Variants in MSRA observed in about 807,000 individuals in gnomAD.
The protein encoded by MSRA is mitochondrial peptide methionine sulfoxide reductase.
In MSRA, 54 loss-of-function variants were observed where a neutral mutation model predicts 31.3. The observed-to-expected ratio is 1.73, with a 90% CI of 1.39 to 2.17. The LOEUF is 2.17. Ranked by LOEUF, MSRA falls within the 30% of genes most tolerant of loss-of-function variation. MSRA has a pLI of 0.00. For synonymous variants in MSRA, 169 were observed against 116.5 expected, an observed-to-expected ratio of 1.45 and a Z score of -2.90; for missense variants, 507 against 300.9, an observed-to-expected ratio of 1.69 and a Z score of -5.07.
At chr8:10,082,520 G>A (rs1239038811) in intron 1 of MSRA, among the ~76,000 whole-genome samples, 2 of 152,210 alleles carry the variant, frequency 1.3e-5, no homozygotes, top group Middle Eastern at 3.4e-3. Context: ...TCTTTTTGGC[G>A]TGGGTTCTGG....
At position 10,231,262 on chromosome 8, in the gene MSRA, T is replaced by C. The variant is rs144498521; in HGVS notation, c.212-13842T>C. Among the ~76,000 whole-genome samples the C allele has an allele frequency of 1.8e-3, 275 of 152,122 alleles. 2 individuals carry two copies. The highest frequency in any genetic ancestry group is 6.3e-3 in the African/African-American group (263 of 41,510). ...GAGGAGGCTGCTGTCACCGTCTAGCTGGGAAAAGAAAGTACATAAAATTTG... is the reference window on the plus strand; with the variant it reads ...GAGGAGGCTGCTGTCACCGTCTAGCCGGGAAAAGAAAGTACATAAAATTTG... On this transcript the variant is annotated intron_variant, in intron 2 of 5. Coordinates refer to ENST00000317173, the MANE Select transcript of MSRA (RefSeq NM_012331.5).
intron 3 of MSRA, among the ~76,000 whole-genome samples, chr8:10,293,077 C>G (rs566295086): frequency 8.3e-4 from 127 of 152,154 alleles, no homozygotes; most frequent in Non-Finnish European, 7.2e-4. Context: ...TGGCTTTCCT[C>G]TCAGTAAAAT....
intron 1 of MSRA, among the ~76,000 whole-genome samples, chr8:10,070,925 G>T (rs955464933): frequency 1.8e-4 from 27 of 152,190 alleles, no homozygotes; most frequent in African/African-American, 6.5e-4. Context: ...ATTGTTTCCA[G>T]TCTTTGGCTG....
intron 1 of MSRA, among the ~76,000 whole-genome samples, chr8:10,147,199 A>T (rs1239679703): frequency 6.6e-6 from 1 of 152,120 alleles, no homozygotes; most frequent in East Asian, 1.9e-4. Flanking sequence ...GCCAGAGTAG[A>T]TGAGAAGGAG....
chr8:10,298,253 A>C (rs953653094), intron 3 of MSRA, among the ~76,000 whole-genome samples: 5 of 152,226 alleles, frequency 3.3e-5, no homozygotes, highest in Non-Finnish European at 7.3e-5. Context: ...TGAATGGATA[A>C]ACAAACAAAA....
intron 2 of MSRA, among the ~76,000 whole-genome samples, chr8:10,242,945 A>G (rs1339692361): frequency 6.6e-6 from 1 of 152,298 alleles, no homozygotes; most frequent in East Asian, 1.9e-4. Flanking sequence ...GCCCACCTGC[A>G]TCCTGGTCAT....
At chr8:10,153,068 T>G (rs1803847984) in intron 1 of MSRA, among the ~76,000 whole-genome samples, 1 of 152,184 alleles carries the variant, frequency 6.6e-6, no homozygotes, top group Non-Finnish European at 1.5e-5. Flanking sequence ...GGTGAAAAAT[T>G]GCTGGAGATT....
At position 10,054,544 on chromosome 8, in the gene MSRA, C is replaced by A. The variant is rs762490596; in HGVS notation, c.28C>A (p.Gln10Lys). 6.3e-7 allele frequency: 1 copy of A among 1,586,812 alleles called. No homozygotes were observed. Among genetic ancestry groups the A allele is most frequent in the South Asian group, 1.1e-5 (1 of 88,770 alleles). Residue 10 changes from glutamine (Q) to lysine (K), a missense_variant, in exon 1 of 6, where the codon CAG becomes AAG. Physicochemically the swap from Gln to Lys is moderately conservative, Grantham distance 53. Coordinates refer to ENST00000317173, the MANE Select transcript of MSRA (RefSeq NM_012331.5). MLSATRRAC[Q>K]LLLLHSLFPV... ...GCTCTCGGCCACCCGGAGGGCTTGC[C>A]AGCTCCTCCTCCTCCACAGCCTCTT... is the stretch of plus-strand genomic sequence containing the variant.
At chr8:10,095,907 A>C in intron 1 of MSRA, 1 of 1,315,942 alleles carries the variant, frequency 7.6e-7, no homozygotes, top group Non-Finnish European at 9.8e-7. Context: ...CATGAGAGAC[A>C]GGATTAATAT....
At chr8:10,359,033 G>A (rs868404409) in intron 5 of MSRA, among the ~76,000 whole-genome samples, 2 of 152,126 alleles carry the variant, frequency 1.3e-5, no homozygotes, top group African/African-American at 4.8e-5. Context: ...CCCCCATCCC[G>A]ATCCCCACCC....
intron 1 of MSRA, among the ~76,000 whole-genome samples, chr8:10,067,460 G>A (rs1263739813): frequency 1.3e-5 from 2 of 152,136 alleles, no homozygotes; most frequent in African/African-American, 2.4e-5. Flanking sequence ...ATCTATAATT[G>A]TTTTGGCAGT....
At chr8:10,211,237 A>C (rs928444725) in intron 2 of MSRA, among the ~76,000 whole-genome samples, 5 of 152,180 alleles carry the variant, frequency 3.3e-5, no homozygotes, top group Non-Finnish European at 7.3e-5. Context: ...ATGAATGGTC[A>C]TATCAAGGGA....
chr8:10,414,314 C>T (rs548392948), intron 5 of MSRA, among the ~76,000 whole-genome samples: 12 of 152,332 alleles, frequency 7.9e-5, no homozygotes, highest in African/African-American at 2.6e-4. Flanking sequence ...ATCCTGCTGA[C>T]TTAACTTCCT....
At chr8:10,373,928 T>G (rs538521494) in intron 5 of MSRA, among the ~76,000 whole-genome samples, 3 of 152,172 alleles carry the variant, frequency 2.0e-5, no homozygotes, top group Non-Finnish European at 4.4e-5. Flanking sequence ...ATCATGGCCA[T>G]GGGCTTTCGG....
At chr8:10,419,095 G>C (rs1808657638) in intron 5 of MSRA, among the ~76,000 whole-genome samples, 1 of 152,144 alleles carries the variant, frequency 6.6e-6, no homozygotes, top group African/African-American at 2.4e-5. Context: ...TGTGCCCACA[G>C]GTTCATAGGC....
At chr8:10,188,089 G>A in intron 1 of MSRA, among the ~76,000 whole-genome samples, 1 of 152,224 alleles carries the variant, frequency 6.6e-6, no homozygotes, top group Admixed American at 6.5e-5. Flanking sequence ...GTTGAAGACT[G>A]AAGAGAAGCT....
At chr8:10,169,894 A>G (rs368578506) in intron 1 of MSRA, among the ~76,000 whole-genome samples, 4 of 143,884 alleles carry the variant, frequency 2.8e-5, no homozygotes, top group South Asian at 2.2e-4. Flanking sequence ...TTTTTTGCCC[A>G]TTCCTTGGTA....
chr8:10,091,383 G>A (rs1404612546), intron 1 of MSRA, among the ~76,000 whole-genome samples: 1 of 152,092 alleles, frequency 6.6e-6, no homozygotes, highest in East Asian at 1.9e-4. Flanking sequence ...ATTATTTTTT[G>A]TGATGTCACA....
intron 1 of MSRA, among the ~76,000 whole-genome samples, chr8:10,175,830 C>G (rs555432154): frequency 5.3e-5 from 8 of 152,328 alleles, no homozygotes; most frequent in African/African-American, 1.9e-4. Context: ...GTAGCCACAA[C>G]TCTATTCGCC....
Sources: gnomAD v4.1 joint callset for allele counts (sites outside exome capture counted in the v4.1 genomes callset) on GRCh38, gnomAD v4.1.1 for gene constraint, MANE v1.5 for transcripts, NCBI Gene and HGNC (gene_info 2026-07-23, HGNC 2026-07-21) for gene names.